The following SATB2 variants were observed in gnomAD, a reference collection of about 807,000 sequenced individuals.
The protein encoded by SATB2 is SATB homeobox 2.
In SATB2, 1 loss-of-function variant was observed where a neutral mutation model predicts 73.4. The ratio of observed to expected loss-of-function variants is 0.01; its 90% CI spans 0.00 to 0.06. The LOEUF is 0.06. Ranked by LOEUF, SATB2 falls within the 10% of genes least tolerant of loss-of-function variation. The pLI is 1.00. For synonymous variants in SATB2, 397 were observed against 367.0 expected, an observed-to-expected ratio of 1.08 and a Z score of -0.93; for missense variants, 459 against 945.8, an observed-to-expected ratio of 0.49 and a Z score of 6.75.
At position 199,455,807 on chromosome 2, in the gene SATB2, C is replaced by T; in HGVS notation, c.169+62G>A. Reference sequence around the variant, plus strand: ...CGACAGCGCCTAATCAACCTGAACCCTGACACCCGGGCCATTATCACTGGG... The same window carrying T: ...CGACAGCGCCTAATCAACCTGAACCTTGACACCCGGGCCATTATCACTGGG... On this transcript the variant is annotated intron_variant, in intron 2 of 10. Transcript: ENST00000417098. The surrounding 1 kb of genome is among the most constrained non-coding windows in gnomAD (Gnocchi z 4.1). 6.6e-7 allele frequency: 1 copy of T among 1,517,344 alleles called. No individual in the cohort carries two copies. Among genetic ancestry groups the T allele is most frequent in the Non-Finnish European group, 8.8e-7 (1 of 1,131,544 alleles). 94.0% of individuals were successfully genotyped at this position (1,517,344 alleles called of 1,614,324 possible).
At chr2:199,353,977 G>A (rs1216555781) in intron 6 of SATB2, among the ~76,000 whole-genome samples, 3 of 152,216 alleles carry the variant, frequency 2.0e-5, no homozygotes, top group Non-Finnish European at 4.4e-5. Context: ...AGGTAGTGCT[G>A]TCTCTGACGG....
At chr2:199,324,265 AAC>A (rs894525929) in intron 8 of SATB2, among the ~76,000 whole-genome samples, 79 of 152,206 alleles carry the variant, frequency 5.2e-4, no homozygotes, top group African/African-American at 1.7e-3. Flanking sequence ...AAACATGCAG[AAC>A]ACACACACAG....
intron 10 of SATB2, among the ~76,000 whole-genome samples, chr2:199,280,910 A>G (rs1417852037): frequency 6.6e-6 from 1 of 152,162 alleles, no homozygotes; most frequent in Non-Finnish European, 1.5e-5. Flanking sequence ...CCCTATTCGT[A>G]CATTCCCTTG....
At chr2:199,421,459 C>T (rs1240604806) in intron 3 of SATB2, among the ~76,000 whole-genome samples, 1 of 152,170 alleles carries the variant, frequency 6.6e-6, no homozygotes, top group African/African-American at 2.4e-5. Flanking sequence ...AACCTTCCTT[C>T]AGAGTTTCCC....
intron 2 of SATB2, 60 bp from the exon 3 acceptor site, chr2:199,433,574 C>T (rs1434351641): frequency 3.4e-6 from 5 of 1,486,002 alleles, no homozygotes; most frequent in Middle Eastern, 1.7e-4. Flanking sequence ...TCAGTCACCA[C>T]GATGAGAAGG....
At chr2:199,458,450 G>C, upstream of SATB2, 1 of 396,036 alleles carries the variant, frequency 2.5e-6, no homozygotes, top group Non-Finnish European at 5.0e-6. Flanking sequence ...GCAGAGAACC[G>C]AGTGCGGCGC....
intron 7 of SATB2, among the ~76,000 whole-genome samples, chr2:199,330,136 T>A (rs1574512261): frequency 6.6e-6 from 1 of 152,166 alleles, no homozygotes; most frequent in Non-Finnish European, 1.5e-5. Flanking sequence ...ATTTCTAATA[T>A]GTGGCTTAAA....
Position 199,272,807 on chromosome 2 carries a change from G to A in SATB2, c.1741-135C>T, listed in dbSNP as rs1236516505. 3.6e-6 allele frequency: 3 copies of A among 840,282 alleles called. No individual in the cohort carries two copies. The highest frequency in any genetic ancestry group is 5.8e-6 in the Non-Finnish European group (3 of 514,312). 52.1% of individuals were successfully genotyped at this position (840,282 alleles called of 1,614,324 possible). The stretch of plus-strand genomic sequence containing the variant: ...AGTCATTTGTAAAGTCAGGTCTTTG[G>A]AAAGCTTAAAAGCATTTCTGGACAT... On this transcript the variant is annotated intron_variant, in intron 10 of 10. Coordinates refer to ENST00000417098, the MANE Select transcript of SATB2 (RefSeq NM_001172509.2). This position sits in a 1 kb window ranked among gnomAD's most constrained non-coding sequence, Gnocchi z 6.7.
intron 7 of SATB2, among the ~76,000 whole-genome samples, chr2:199,339,908 A>G (rs1559170340): frequency 6.6e-6 from 1 of 152,204 alleles, no homozygotes; most frequent in Non-Finnish European, 1.5e-5. Flanking sequence ...CAGGATTTTC[A>G]TGTTATTGCT....
Position 199,455,093 on chromosome 2 carries a change from C to T in SATB2, c.169+776G>A, listed in dbSNP as rs1692234711. On this transcript the variant is annotated intron_variant, in intron 2 of 10. Transcript: ENST00000417098. This position sits in a 1 kb window ranked among gnomAD's most constrained non-coding sequence, Gnocchi z 4.1. The stretch of plus-strand genomic sequence containing the variant: ...AAATATTTCAATGTTTAAATTTCTC[C>T]CATATCTTTATTTTGTATGATTGCT... 6.6e-6 allele frequency among the ~76,000 whole-genome samples: 1 copy of T among 152,118 alleles called. No homozygotes were observed. The highest frequency in any genetic ancestry group is 1.5e-5 in the Non-Finnish European group (1 of 68,024).
rs1400728420 is a variant in SATB2 at position 199,272,795 on chromosome 2, G to C, written c.1741-123C>G. On this transcript the variant is annotated intron_variant, in intron 10 of 10. Coordinates refer to ENST00000417098, the MANE Select transcript of SATB2 (RefSeq NM_001172509.2). The surrounding 1 kb of genome is among the most constrained non-coding windows in gnomAD (Gnocchi z 6.7). ...GAGGTAAGCTATAGTCATTTGTAAA[G>C]TCAGGTCTTTGGAAAGCTTAAAAGC... 3.7e-5 allele frequency: 34 copies of C among 928,760 alleles called. 1 individual carries two copies. The Admixed American group carries it at 5.4e-4, about 15-fold the overall frequency. The allele number at this position is 928,760 out of a possible 1,614,324, so 57.5% of individuals were successfully genotyped here. A position where few individuals can be genotyped will look rare whatever the true frequency, so the allele number is the denominator to read the frequency against.
chr2:199,350,234 G>C (rs1305971131), intron 6 of SATB2, among the ~76,000 whole-genome samples: 2 of 151,936 alleles, frequency 1.3e-5, no homozygotes, highest in Admixed American at 6.6e-5. Flanking sequence ...AGAAGCTAGA[G>C]ATCAAACATA....
chr2:199,453,058 T>A (rs928454478), intron 2 of SATB2, among the ~76,000 whole-genome samples: 1 of 152,126 alleles, frequency 6.6e-6, no homozygotes, highest in African/African-American at 2.4e-5. Context: ...TAATGCCCCT[T>A]CTTTTATGAA....
At chr2:199,462,005 G>A (rs1198335334), upstream of SATB2, among the ~76,000 whole-genome samples, 1 of 152,166 alleles carries the variant, frequency 6.6e-6, no homozygotes, top group Non-Finnish European at 1.5e-5. This position sits in a 1 kb window ranked among gnomAD's most constrained non-coding sequence, Gnocchi z 5.9. Context: ...TGCCGGGCGC[G>A]GGACTTCGGC....
chr2:199,370,211 T>C (rs990471965), intron 5 of SATB2, among the ~76,000 whole-genome samples: 15 of 152,036 alleles, frequency 9.9e-5, no homozygotes, highest in African/African-American at 3.6e-4. Flanking sequence ...GTTCCTAGAC[T>C]GTGAGACCCT....
At chr2:199,314,908 TAAG>T (rs1217936053) in intron 9 of SATB2, among the ~76,000 whole-genome samples, 1 of 152,124 alleles carries the variant, frequency 6.6e-6, no homozygotes, top group Non-Finnish European at 1.5e-5. Context: ...TCTTCCTTTT[TAAG>T]AAGAAGTTGT....
intron 10 of SATB2, among the ~76,000 whole-genome samples, chr2:199,276,540 C>T (rs1391449519): frequency 6.6e-6 from 1 of 152,052 alleles, no homozygotes; most frequent in Non-Finnish European, 1.5e-5. Flanking sequence ...ACAGTTTGGG[C>T]ATAATTTTTT....
chr2:199,438,009 AACTT>A (rs1243627667), intron 2 of SATB2, among the ~76,000 whole-genome samples: 1 of 152,170 alleles, frequency 6.6e-6, no homozygotes, highest in East Asian at 1.9e-4. Context: ...AGTAGCCTCT[AACTT>A]CATGTAGCAA....
chr2:199,332,338 C>T lies in SATB2; in HGVS notation c.1174-3428G>A, dbSNP rs566933418. Among the ~76,000 whole-genome samples the T allele has an allele frequency of 2.0e-5, 3 of 152,138 alleles. No homozygotes were observed. The South Asian group carries it at 6.2e-4, about 32-fold the overall frequency. ...CATCTGCACAAGGTAGAGAGATACC[C>T]TCCAAAATAATTCTTGGGTTACAAG... On this transcript the variant is annotated intron_variant, in intron 7 of 10. Coordinates refer to ENST00000417098, the MANE Select transcript of SATB2 (RefSeq NM_001172509.2).
Sources: gnomAD v4.1 joint callset for allele counts (sites outside exome capture counted in the v4.1 genomes callset) on GRCh38, gnomAD v4.1.1 for gene constraint, Gnocchi (gnomAD v3.1) non-coding constraint, MANE v1.5 for transcripts, NCBI Gene and HGNC (gene_info 2026-07-23, HGNC 2026-07-21) for gene names.